Variants in TFAP2B observed in about 807,000 individuals in gnomAD.
The protein encoded by TFAP2B is transcription factor AP-2 beta, also known as transcription factor AP-2-beta.
TFAP2B carries 9 observed loss-of-function variants against 44.3 expected under a neutral mutation model. That is an observed-to-expected ratio of 0.20 (90% CI 0.12 to 0.35). The LOEUF (loss-of-function observed/expected upper bound fraction) is 0.35. Ranked by LOEUF, TFAP2B falls within the 10% of genes least tolerant of loss-of-function variation. The pLI is 1.00. For missense variants in TFAP2B, 509 were observed against 600.0 expected (o/e 0.85, Z 1.59); for synonymous variants, 270 against 263.8 (o/e 1.02, Z -0.23).
chr6:50,820,687 C>G (rs1235149083), intron 1 of TFAP2B, among the ~76,000 whole-genome samples: 1 of 152,220 alleles, frequency 6.6e-6, no homozygotes, highest in East Asian at 1.9e-4. Flanking sequence ...TAGAACTGTC[C>G]TAAAGAATAT....
chr6:50,844,640 G>T lies in TFAP2B; in HGVS notation c.*1248G>T, dbSNP rs537110904. ...ATTCCGGTGGAGGTGGCAGGGGAGGGGGTCTGCAAAATGAATTTTAAGGGA... is the reference window on the plus strand; with the variant it reads ...ATTCCGGTGGAGGTGGCAGGGGAGGTGGTCTGCAAAATGAATTTTAAGGGA... On this transcript the variant is annotated 3_prime_UTR_variant, in exon 7 of 7. Coordinates refer to ENST00000393655, the MANE Select transcript of TFAP2B (RefSeq NM_003221.4). 15 of 152,748 alleles carry T rather than the reference G, an allele frequency of 9.8e-5. No individual in the cohort carries two copies. In the East Asian group the frequency reaches 2.7e-3, roughly 28 times the overall value. 9.5% of individuals were successfully genotyped at this position (152,748 alleles called of 1,614,324 possible).
intron 1 of TFAP2B, among the ~76,000 whole-genome samples, chr6:50,822,694 C>T (rs142176414): frequency 1.8e-3 from 280 of 152,266 alleles, no homozygotes; most frequent in African/African-American, 6.5e-3. Flanking sequence ...TCCTATGAAC[C>T]ACAACTCAAC....
At chr6:50,819,885 G>A (rs1389910097) in intron 1 of TFAP2B, among the ~76,000 whole-genome samples, 1 of 151,904 alleles carries the variant, frequency 6.6e-6, no homozygotes, top group Admixed American at 6.6e-5. Context: ...GGCGGCCGAG[G>A]CGGGCGAGGC....
chr6:50,826,139 C>A (rs1442542706), intron 2 of TFAP2B, among the ~76,000 whole-genome samples: 1 of 152,210 alleles, frequency 6.6e-6, no homozygotes, highest in East Asian at 1.9e-4. Context: ...GATTTCAACG[C>A]TCTCCCTACA....
In TFAP2B at chr6:50,823,517, C is replaced by A; in HGVS notation, c.192C>A (p.Asp64Glu). The A allele has an allele frequency of 6.2e-7, 1 of 1,613,826 alleles. No homozygotes were observed. Among genetic ancestry groups the A allele is most frequent in the Non-Finnish European group, 8.5e-7 (1 of 1,179,946 alleles). ...APPLSHTPSS[D>E]FQPPYFPPPY... ...CGCTGTCCCACACCCCGTCGTCGGACTTCCAGCCGCCCTACTTCCCACCCC... is the reference window on the plus strand; with the variant it reads ...CGCTGTCCCACACCCCGTCGTCGGAATTCCAGCCGCCCTACTTCCCACCCC... The change falls in exon 2 of 7, where the codon GAC (aspartate) becomes GAA (glutamate). Residue 64 changes from aspartate to glutamate, a missense_variant. Transcript: ENST00000393655.
At chr6:50,826,593 G>A (rs915015719) in intron 2 of TFAP2B, among the ~76,000 whole-genome samples, 2 of 151,626 alleles carry the variant, frequency 1.3e-5, no homozygotes, top group Non-Finnish European at 2.9e-5. Flanking sequence ...GCGCGTGTGT[G>A]TGTGTGTCTA....
At chr6:50,823,927 G>A (rs2076308) in intron 2 of TFAP2B, 62 bp downstream of exon 2, 4 of 1,513,976 alleles carry the variant, frequency 2.6e-6, no homozygotes, top group African/African-American at 1.4e-5. Context: ...GCTTCTGGAG[G>A]GGGGGAGGTC....
At chr6:50,821,796 G>A (rs1770355424) in intron 1 of TFAP2B, 1 of 247,176 alleles carries the variant, frequency 4.0e-6, no homozygotes, top group Non-Finnish European at 8.1e-6. Context: ...ATTATTATGA[G>A]GCGGTGTAGG....
chr6:50,842,191 C>T (rs1384313727), intron 6 of TFAP2B, among the ~76,000 whole-genome samples: 2 of 152,204 alleles, frequency 1.3e-5, no homozygotes, highest in East Asian at 3.8e-4. Flanking sequence ...CTTTGGGATG[C>T]TGTGTGTCTG....
At chr6:50,843,002 C>T (rs751434160) in intron 6 of TFAP2B, 90 bp from the exon 7 acceptor site, 4 of 1,545,218 alleles carry the variant, frequency 2.6e-6, no homozygotes, top group Admixed American at 1.7e-5. Flanking sequence ...GGTGACCCGG[C>T]GCCTCTGGGC....
chr6:50,836,512 C>A (rs528400126), intron 4 of TFAP2B, among the ~76,000 whole-genome samples: 1 of 152,294 alleles, frequency 6.6e-6, no homozygotes, highest in Admixed American at 6.5e-5. Context: ...GGCCTGCCCG[C>A]GCCGCGCAAG....
chr6:50,836,049 C>T lies in TFAP2B; in HGVS notation c.602-12C>T, dbSNP rs1311071991. ...TTGGTCACCTTTATGGCAATTTTTTCTCTCTTTCTAGTTCCAGTTCCTCCC... is the reference window on the plus strand; with the variant it reads ...TTGGTCACCTTTATGGCAATTTTTTTTCTCTTTCTAGTTCCAGTTCCTCCC... On this transcript the variant is annotated splice_polypyrimidine_tract_variant and intron_variant, in intron 3 of 6. Coordinates refer to ENST00000393655, the MANE Select transcript of TFAP2B (RefSeq NM_003221.4). 3 of 1,611,756 alleles carry T rather than the reference C, an allele frequency of 1.9e-6. No homozygotes were observed. The highest frequency in any genetic ancestry group is 1.6e-4 in the Middle Eastern group (1 of 6,078).
chr6:50,841,218 A>C lies in TFAP2B; in HGVS notation c.1082+921A>C, dbSNP rs78958061. Among the ~76,000 whole-genome samples the C allele has an allele frequency of 2.0e-3, 301 of 152,328 alleles. 2 individuals are homozygous for C. Among genetic ancestry groups the C allele is most frequent in the African/African-American group, 6.8e-3 (284 of 41,578 alleles). On this transcript the variant is annotated intron_variant, in intron 6 of 6. Coordinates refer to ENST00000393655, the MANE Select transcript of TFAP2B (RefSeq NM_003221.4). ...AGATTTAAAATGTTTGACTCTAAGC[A>C]TTTGTTCTCCCCAGTTCAGAATGTC...
intron 6 of TFAP2B, 65 bp from the exon 7 acceptor site, chr6:50,843,027 C>G: frequency 6.2e-7 from 1 of 1,606,638 alleles, no homozygotes; most frequent in Non-Finnish European, 8.5e-7. Context: ...GTGAGCGTCT[C>G]CTTTCTAATG....
Position 50,843,384 on chromosome 6 carries a change from A to G in TFAP2B, c.1375A>G (p.Arg459Gly). Reference sequence around the variant, plus strand: ...AACTGGCGACAAGGAGGAGAAACACAGGAAATGAAAAATTTTTAAAAAAAG... The same window carrying G: ...AACTGGCGACAAGGAGGAGAAACACGGGAAATGAAAAATTTTTAAAAAAAG... ...SKTGDKEEKH[R>G]K is the part of the protein sequence containing the mutation. The change falls in exon 7 of 7, where the codon AGG becomes GGG. Residue 459 changes from arginine (R) to glycine (G), a missense_variant. By Grantham distance (125) the Arg-to-Gly change is moderately radical (BLOSUM62 -2). Transcript: ENST00000393655. 1 of 1,612,908 alleles carries G rather than the reference A, an allele frequency of 6.2e-7. No homozygotes were observed.
chr6:50,835,165 T>C (rs1762594706), intron 3 of TFAP2B, among the ~76,000 whole-genome samples: 1 of 152,214 alleles, frequency 6.6e-6, no homozygotes, highest in Admixed American at 6.5e-5. Context: ...GCATAAAACA[T>C]ACCTTGAGTG....
At chr6:50,831,654 G>C (rs1319109306) in intron 3 of TFAP2B, among the ~76,000 whole-genome samples, 1 of 126,842 alleles carries the variant, frequency 7.9e-6, no homozygotes, top group Non-Finnish European at 1.9e-5. Flanking sequence ...ATTAAGATTA[G>C]AAATCTGGGG....
chr6:50,822,122 T>C (rs1254809454), intron 1 of TFAP2B: 2 of 1,302,112 alleles, frequency 1.5e-6, no homozygotes, highest in Non-Finnish European at 1.0e-6. Context: ...GTAACCAGGC[T>C]TTTTTTTCCA....
intron 4 of TFAP2B, 92 bp downstream of exon 4, chr6:50,836,372 G>A: frequency 8.6e-7 from 1 of 1,158,064 alleles, no homozygotes; most frequent in Non-Finnish European, 1.2e-6. Context: ...GAAGGTTCCA[G>A]CAAAACCCAA....
Sources: allele counts gnomAD v4.1 joint callset (sites outside exome capture counted in the v4.1 genomes callset), GRCh38; gene constraint gnomAD v4.1.1; transcripts MANE v1.5; gene names NCBI Gene and HGNC (gene_info 2026-07-23, HGNC 2026-07-21).